ITSN1: variants seen among roughly 807,000 people sequenced by gnomAD.
ITSN1 encodes the protein intersectin-1.
ITSN1 carries 58 observed loss-of-function variants against 239.8 expected under a neutral mutation model. That is an observed-to-expected ratio of 0.24 (90% confidence interval 0.20 to 0.30). ITSN1 has a LOEUF of 0.30. Ranked by LOEUF, ITSN1 falls within the 10% of genes least tolerant of loss-of-function variation. The pLI, the probability that ITSN1 is intolerant of heterozygous loss-of-function variation, is 1.00. For synonymous variants in ITSN1, 780 were observed against 770.8 expected, an observed-to-expected ratio of 1.01 and a Z score of -0.20; for missense variants, 1,558 against 2,103.3, an observed-to-expected ratio of 0.74 and a Z score of 5.07.
chr21:33,836,498 T>G lies in ITSN1; in HGVS notation c.3527T>G (p.Phe1176Cys). ...GCGCAGAATGACGATGAGCTGGCCT[T>G]CAACAAGGGCCAGATCATCAACGTC... ...YTAQNDDELA[F>C]NKGQIINVLN... Residue 1176 changes from phenylalanine to cysteine, a missense_variant, in exon 29 of 40, where the codon TTC becomes TGC. Physicochemically the swap from Phe to Cys is radical, Grantham distance 205 (BLOSUM62 -2). Coordinates refer to ENST00000381318, the MANE Select transcript of ITSN1 (RefSeq NM_003024.3). 2 of 1,614,044 alleles carry G rather than the reference T, an allele frequency of 1.2e-6. No homozygotes were observed. The highest frequency in any genetic ancestry group is 1.7e-6 in the Non-Finnish European group (2 of 1,179,952).
intron 5 of ITSN1, among the ~76,000 whole-genome samples, chr21:33,738,493 T>C (rs1170767084): frequency 3.3e-5 from 5 of 151,404 alleles, no homozygotes; most frequent in Non-Finnish European, 5.9e-5. Context: ...CCTCCGCCTC[T>C]CGAGTTCAAG....
intron 29 of ITSN1, among the ~76,000 whole-genome samples, chr21:33,846,483 GT>G (rs1028682255): frequency 3.9e-5 from 6 of 152,198 alleles, no homozygotes; most frequent in Admixed American, 3.9e-4. Flanking sequence ...GACCTCCATG[GT>G]AACAACACTA....
intron 34 of ITSN1, among the ~76,000 whole-genome samples, chr21:33,880,626 T>C (rs1187892022): frequency 6.6e-6 from 1 of 152,132 alleles, no homozygotes; most frequent in African/African-American, 2.4e-5. Flanking sequence ...CTGTTTCTCC[T>C]GTATTGGAGA....
At chr21:33,852,293 G>A (rs1019677729) in intron 29 of ITSN1, among the ~76,000 whole-genome samples, 5 of 152,156 alleles carry the variant, frequency 3.3e-5, no homozygotes, top group Admixed American at 3.3e-4. Context: ...TGCTCAATGG[G>A]CAACTTGCTG....
In ITSN1 at chr21:33,794,473, GTCT is replaced by G; in HGVS notation, c.1952+10_1952+12del. ...ACAAAAAGAAGAAGCCCAAAGGTGAGTCTTCTTTGGATTGTGGACTCATCTGGA... is the reference window on the plus strand; with the variant it reads ...ACAAAAAGAAGAAGCCCAAAGGTGAGTCTTTGGATTGTGGACTCATCTGGA... On this transcript the variant is annotated splice_donor_region_variant and intron_variant, in intron 17 of 39. Transcript: ENST00000381318. 1.9e-6 allele frequency: 3 copies of G among 1,609,132 alleles called. No individual in the cohort carries two copies. Among genetic ancestry groups the G allele is most frequent in the Non-Finnish European group, 1.7e-6 (2 of 1,178,546 alleles).
intron 1 of ITSN1, among the ~76,000 whole-genome samples, chr21:33,711,324 T>C (rs1601778265): frequency 6.6e-6 from 1 of 152,126 alleles, no homozygotes; most frequent in Non-Finnish European, 1.5e-5. Context: ...ATTTTTTTTT[T>C]CAAAGAACCA....
At chr21:33,795,725 T>C (rs2246647) in intron 17 of ITSN1, among the ~76,000 whole-genome samples, 38,136 of 151,918 alleles carry the variant, frequency 0.25, 5,667 homozygotes, top group East Asian at 0.69. Flanking sequence ...AAAATGCTTT[T>C]ATTATTCACA....
intron 22 of ITSN1, among the ~76,000 whole-genome samples, chr21:33,815,263 C>T (rs371113601): frequency 2.7e-4 from 41 of 151,110 alleles, no homozygotes; most frequent in East Asian, 1.2e-3. Context: ...TCCACAGGCA[C>T]GTGTGTGTTC....
At chr21:33,667,638 C>G (rs115024053) in intron 1 of ITSN1, among the ~76,000 whole-genome samples, 120 of 152,208 alleles carry the variant, frequency 7.9e-4, no homozygotes, top group African/African-American at 2.8e-3. Flanking sequence ...GGAGTAGGTA[C>G]TGATACTTGG....
At chr21:33,867,002 G>T (rs1981722153) in intron 32 of ITSN1, among the ~76,000 whole-genome samples, 1 of 150,886 alleles carries the variant, frequency 6.6e-6, no homozygotes, top group African/African-American at 2.4e-5. Context: ...AATCCAGAGT[G>T]CAGGGCTTAA....
intron 4 of ITSN1, among the ~76,000 whole-genome samples, chr21:33,730,463 G>A (rs1253202488): frequency 1.7e-5 from 2 of 120,616 alleles, no homozygotes; most frequent in East Asian, 2.8e-4. Context: ...GTGCAGTGAC[G>A]TGATCTCGGC....
intron 1 of ITSN1, among the ~76,000 whole-genome samples, chr21:33,657,633 G>A (rs2089202839): frequency 6.6e-6 from 1 of 152,144 alleles, no homozygotes; most frequent in Admixed American, 6.5e-5. Context: ...ACATCATAAA[G>A]TGTATGGTTG....
intron 1 of ITSN1, among the ~76,000 whole-genome samples, chr21:33,675,011 T>TA (rs2090508514): frequency 6.6e-6 from 1 of 152,214 alleles, no homozygotes; most frequent in African/African-American, 2.4e-5. Flanking sequence ...ACAATACTGA[T>TA]AACATACTGA....
chr21:33,679,921 A>G (rs1454323237), intron 1 of ITSN1, among the ~76,000 whole-genome samples: 3 of 151,870 alleles, frequency 2.0e-5, no homozygotes. Flanking sequence ...GATGGTCTTG[A>G]TCTCCTGACC....
chr21:33,737,071 G>C (rs1002542873), intron 5 of ITSN1, among the ~76,000 whole-genome samples: 1 of 152,166 alleles, frequency 6.6e-6, no homozygotes, highest in African/African-American at 2.4e-5. Flanking sequence ...GTGGAGAAAA[G>C]GTCAAATGAC....
intron 5 of ITSN1, among the ~76,000 whole-genome samples, chr21:33,736,179 TTAAAAC>T (rs1475282269): frequency 6.6e-6 from 1 of 152,188 alleles, no homozygotes; most frequent in Non-Finnish European, 1.5e-5. Context: ...CTTTAACAGT[TTAAAAC>T]AAAACATGAA....
intron 27 of ITSN1, among the ~76,000 whole-genome samples, chr21:33,833,324 G>A (rs980889021): frequency 3.3e-5 from 5 of 152,116 alleles, no homozygotes; most frequent in African/African-American, 1.2e-4. Flanking sequence ...CATCACATGG[G>A]CCTACGGGTT....
chr21:33,665,580 GCTC>G (rs1241642453), intron 1 of ITSN1, among the ~76,000 whole-genome samples: 1 of 152,108 alleles, frequency 6.6e-6, no homozygotes, highest in Non-Finnish European at 1.5e-5. Context: ...TAATTTTTCA[GCTC>G]CTCAATTAGA....
chr21:33,814,197 G>T (rs2073113074), intron 22 of ITSN1, 125 bp downstream of exon 22: 4 of 829,808 alleles, frequency 4.8e-6, no homozygotes, highest in Admixed American at 2.9e-5. Context: ...TTGGCTGGCA[G>T]TATGGGAATC....
Sources: allele counts gnomAD v4.1 joint callset (sites outside exome capture counted in the v4.1 genomes callset), GRCh38; gene constraint gnomAD v4.1.1; transcripts MANE v1.5; gene names NCBI Gene and HGNC (gene_info 2026-07-23, HGNC 2026-07-21).